The following CYP7B1 variants were observed in gnomAD, a reference collection of about 807,000 sequenced individuals.
The protein encoded by CYP7B1 is cytochrome P450 family 7 subfamily B member 1.
A neutral mutation model predicts 42.7 loss-of-function variants in CYP7B1; 29 were observed. The ratio of observed to expected loss-of-function variants is 0.68; its 90% CI spans 0.51 to 0.93. CYP7B1 has a LOEUF of 0.93. CYP7B1 is among the 40% of genes least tolerant of loss of function. The probability of loss-of-function intolerance (pLI) is 0.00; values close to 1 mark genes in which losing one functional copy is unlikely to be tolerated. For missense variants in CYP7B1, 655 were observed against 600.5 expected, an observed-to-expected ratio of 1.09 and a Z score of -0.95; for synonymous variants, 235 against 218.2, an observed-to-expected ratio of 1.08 and a Z score of -0.68.
intron 1 of CYP7B1, among the ~76,000 whole-genome samples, chr8:64,640,593 T>C (rs960531320): frequency 6.6e-6 from 1 of 152,122 alleles, no homozygotes; most frequent in Non-Finnish European, 1.5e-5. Context: ...CAAAATTCCA[T>C]AAATAGAACA....
chr8:64,587,882 A>G (rs766400578), downstream of CYP7B1: 1 of 151,994 alleles, frequency 6.6e-6, no homozygotes, highest in Non-Finnish European at 1.5e-5. Flanking sequence ...ACCATCCCCA[A>G]CCCCACTACA....
intron 1 of CYP7B1, among the ~76,000 whole-genome samples, chr8:64,684,853 G>T (rs1436596130): frequency 6.6e-6 from 1 of 152,106 alleles, no homozygotes; most frequent in African/African-American, 2.4e-5. Flanking sequence ...TAGACATTTG[G>T]GAAAGGCAAT....
chr8:64,722,214 A>G (rs1478798677), intron 1 of CYP7B1, among the ~76,000 whole-genome samples: 1 of 152,204 alleles, frequency 6.6e-6, no homozygotes, highest in African/African-American at 2.4e-5. Context: ...GGAAAACTCT[A>G]TGTTGGAAGG....
At chr8:64,746,619 G>T (rs1807647028) in intron 1 of CYP7B1, among the ~76,000 whole-genome samples, 1 of 152,098 alleles carries the variant, frequency 6.6e-6, no homozygotes, top group African/African-American at 2.4e-5. Context: ...CAAGACAATT[G>T]TTACCTGTTA....
At chr8:64,738,281 T>C (rs1445466352) in intron 1 of CYP7B1, among the ~76,000 whole-genome samples, 1 of 152,156 alleles carries the variant, frequency 6.6e-6, no homozygotes, top group Non-Finnish European at 1.5e-5. Flanking sequence ...ACTCCATATA[T>C]TTAGCATTCT....
At chr8:64,771,488 T>G (rs1173025982) in intron 1 of CYP7B1, among the ~76,000 whole-genome samples, 5 of 152,204 alleles carry the variant, frequency 3.3e-5, no homozygotes, top group Non-Finnish European at 7.3e-5. Flanking sequence ...TTCTGCCAAA[T>G]TGATAGAATT....
intron 1 of CYP7B1, among the ~76,000 whole-genome samples, chr8:64,641,425 CAGA>C (rs1233907653): frequency 6.6e-6 from 1 of 152,074 alleles, no homozygotes; most frequent in Non-Finnish European, 1.5e-5. Context: ...GATTGAGTCT[CAGA>C]AGGTTTTAAA....
At chr8:64,691,354 C>T (rs1466774793) in intron 1 of CYP7B1, among the ~76,000 whole-genome samples, 4 of 152,012 alleles carry the variant, frequency 2.6e-5, no homozygotes, top group African/African-American at 9.7e-5. Flanking sequence ...CTACCTTCTC[C>T]TCTCTTAACT....
At chr8:64,664,760 G>C (rs1190888359) in intron 1 of CYP7B1, among the ~76,000 whole-genome samples, 3 of 152,210 alleles carry the variant, frequency 2.0e-5, no homozygotes, top group African/African-American at 7.2e-5. Context: ...TCTTTAATAA[G>C]AGTTATCTTT....
downstream of CYP7B1, chr8:64,589,864 C>T (rs1805012019): frequency 6.6e-6 from 1 of 152,174 alleles, no homozygotes; most frequent in East Asian, 1.9e-4. Flanking sequence ...AAGTAAAATA[C>T]TTCATGATTA....
At chr8:64,726,154 C>T (rs144832191) in intron 1 of CYP7B1, among the ~76,000 whole-genome samples, 3 of 152,112 alleles carry the variant, frequency 2.0e-5, no homozygotes, top group Non-Finnish European at 4.4e-5. Flanking sequence ...GATAAGAAAC[C>T]TTCTTCTACC....
chr8:64,660,047 T>C (rs555139941), intron 1 of CYP7B1, among the ~76,000 whole-genome samples: 1 of 152,348 alleles, frequency 6.6e-6, no homozygotes, highest in South Asian at 2.1e-4. Context: ...CATTGAGTAC[T>C]TGTTTATGAG....
At chr8:64,635,020 G>A (rs950508631) in intron 1 of CYP7B1, among the ~76,000 whole-genome samples, 43 of 152,130 alleles carry the variant, frequency 2.8e-4, no homozygotes, top group African/African-American at 1.0e-3. Flanking sequence ...GGTCCTGATG[G>A]TCTCTTCAAG....
intron 1 of CYP7B1, among the ~76,000 whole-genome samples, chr8:64,658,291 C>A (rs1283803438): frequency 6.6e-6 from 1 of 151,878 alleles, no homozygotes; most frequent in African/African-American, 2.4e-5. Context: ...ATTGAAATCT[C>A]TGTTACTGTT....
At chr8:64,771,060 T>TTTTTTTTTTTTTTTA (rs1804215745) in intron 1 of CYP7B1, among the ~76,000 whole-genome samples, 1 of 106,368 alleles carries the variant, frequency 9.4e-6, no homozygotes, top group Non-Finnish European at 1.8e-5. Flanking sequence ...TTTTTTTTTT[T>TTTTTTTTTTTTTTTA]TTTTTTTTTT....
chr8:64,730,933 G>C (rs1452765850), intron 1 of CYP7B1, among the ~76,000 whole-genome samples: 3 of 152,112 alleles, frequency 2.0e-5, no homozygotes, highest in Non-Finnish European at 4.4e-5. Flanking sequence ...TACTGAGTGA[G>C]TTCTCACAAG....
intron 1 of CYP7B1, among the ~76,000 whole-genome samples, chr8:64,649,244 T>C (rs1806000743): frequency 6.6e-6 from 1 of 152,172 alleles, no homozygotes. Flanking sequence ...GGCAACTACC[T>C]TTTTACCTTC....
At chr8:64,747,982 C>A (rs1807670013) in intron 1 of CYP7B1, among the ~76,000 whole-genome samples, 1 of 152,106 alleles carries the variant, frequency 6.6e-6, no homozygotes, top group African/African-American at 2.4e-5. Context: ...CATTGCAGCA[C>A]CTGGAAGCCA....
intron 1 of CYP7B1, among the ~76,000 whole-genome samples, chr8:64,688,144 T>C (rs934207800): frequency 1.9e-4 from 29 of 152,216 alleles, no homozygotes; most frequent in African/African-American, 7.0e-4. Context: ...CTGCTGATAA[T>C]ACAGATGTCT....
Sources: allele counts gnomAD v4.1 joint callset (sites outside exome capture counted in the v4.1 genomes callset), GRCh38; gene constraint gnomAD v4.1.1; transcripts MANE v1.5; gene names NCBI Gene and HGNC (gene_info 2026-07-23, HGNC 2026-07-21).